The following FLYWCH1 variants were observed in gnomAD, a reference collection of about 807,000 sequenced individuals.
The protein encoded by FLYWCH1 is FLYWCH-type zinc finger 1, also known as FLYWCH-type zinc finger-containing protein 1.
FLYWCH1 carries 75 observed loss-of-function variants against 66.4 expected under a neutral mutation model. That is an observed-to-expected ratio of 1.13 (90% confidence interval 0.94 to 1.37). FLYWCH1 has a LOEUF of 1.37. Ranked by LOEUF, FLYWCH1 falls within the 40% of genes most tolerant of loss-of-function variation. FLYWCH1 has a pLI of 0.00. For missense variants in FLYWCH1, 1,334 were observed against 1,001.8 expected, an observed-to-expected ratio of 1.33 and a Z score of -4.48; for synonymous variants, 595 against 429.9, an observed-to-expected ratio of 1.38 and a Z score of -4.75.
chr16:2,942,204 G>C (rs187798917), intron 9 of FLYWCH1, among the ~76,000 whole-genome samples: 137 of 152,204 alleles, frequency 9.0e-4, no homozygotes, highest in Admixed American at 3.3e-3. Context: ...CATTCTGGCA[G>C]AGTCTCATTC....
At chr16:2,946,135 G>A (rs1490353368) in intron 9 of FLYWCH1, among the ~76,000 whole-genome samples, 2 of 152,060 alleles carry the variant, frequency 1.3e-5, no homozygotes, top group African/African-American at 4.8e-5. Flanking sequence ...AGTAAGCTTA[G>A]GTTAATTTAT....
intron 7 of FLYWCH1, among the ~76,000 whole-genome samples, chr16:2,937,732 C>G (rs756131923): frequency 5.2e-4 from 79 of 152,168 alleles, no homozygotes; most frequent in Non-Finnish European, 9.0e-4. Flanking sequence ...GCCACCCACA[C>G]TGCTTCTAGT....
chr16:2,917,852 C>T (rs60767334), intron 2 of FLYWCH1, among the ~76,000 whole-genome samples: 7,498 of 148,308 alleles, frequency 0.051, 667 homozygotes, highest in African/African-American at 0.18. Context: ...TTTCTTCCCC[C>T]TCGAGATGGA....
chr16:2,939,418 T>TGCCC (rs1453291027), intron 8 of FLYWCH1, among the ~76,000 whole-genome samples: 1 of 152,046 alleles, frequency 6.6e-6, no homozygotes, highest in Non-Finnish European at 1.5e-5. Context: ...ATCGCGCCAC[T>TGCCC]GCCCTCCAGC....
intron 2 of FLYWCH1, chr16:2,915,178 C>A (rs2070127285): frequency 6.7e-6 from 1 of 149,498 alleles, no homozygotes; most frequent in African/African-American, 2.5e-5. Context: ...CATTTTGTTG[C>A]CTAGGCTGGA....
chr16:2,931,305 T>TAAA (rs150704073), intron 4 of FLYWCH1, among the ~76,000 whole-genome samples: 3,567 of 87,376 alleles, frequency 0.041, 92 homozygotes, highest in Middle Eastern at 0.056. Context: ...TCCATCTCAG[T>TAAA]AAAAAAAAAA....
intron 6 of FLYWCH1, chr16:2,936,651 C>T: frequency 2.2e-6 from 1 of 459,182 alleles, no homozygotes; most frequent in Non-Finnish European, 4.4e-6. Context: ...ACAGTGGACG[C>T]TGCTCCCTGC....
At chr16:2,939,622 ACT>A (rs1567348658) in intron 8 of FLYWCH1, 1 of 169,486 alleles carries the variant, frequency 5.9e-6, no homozygotes, top group Non-Finnish European at 1.3e-5. Flanking sequence ...GGGGAGGATC[ACT>A]CTAGCCCGGG....
chr16:2,914,095 C>A (rs1303603938), intron 1 of FLYWCH1, 81 bp from the exon 2 acceptor site: 1 of 152,250 alleles, frequency 6.6e-6, no homozygotes, highest in Non-Finnish European at 1.5e-5. Flanking sequence ...ATGCTGAACA[C>A]CTTGTTCTTG....
intron 4 of FLYWCH1, among the ~76,000 whole-genome samples, chr16:2,932,434 C>G (rs1231814837): frequency 6.6e-6 from 1 of 151,916 alleles, no homozygotes; most frequent in Non-Finnish European, 1.5e-5. Flanking sequence ...CTGTGATAAC[C>G]TGGATTGTTG....
At chr16:2,932,987 C>A in intron 4 of FLYWCH1, 143 bp from the exon 5 acceptor site, 1 of 716,586 alleles carries the variant, frequency 1.4e-6, no homozygotes, top group Non-Finnish European at 2.3e-6. Flanking sequence ...TTTGGGGCCT[C>A]TGACATATCT....
chr16:2,927,255 C>T (rs957516577), intron 2 of FLYWCH1, among the ~76,000 whole-genome samples: 2 of 152,288 alleles, frequency 1.3e-5, no homozygotes, highest in African/African-American at 4.8e-5. Flanking sequence ...TAGCACACTG[C>T]ACGCGATCAT....
At chr16:2,933,096 C>T in intron 4 of FLYWCH1, 34 bp from the exon 5 acceptor site, 2 of 1,585,844 alleles carry the variant, frequency 1.3e-6, no homozygotes, top group Admixed American at 1.7e-5. Context: ...CCTCTCCACC[C>T]CTGGTGATGT....
chr16:2,933,541 C>T lies in FLYWCH1; in HGVS notation c.1208C>T (p.Pro403Leu). The T allele has an allele frequency of 1.2e-6, 2 of 1,608,430 alleles. No individual in the cohort carries two copies. The highest frequency in any genetic ancestry group is 2.2e-5 in the South Asian group (2 of 90,468). ...KVEDQELPTQ[P>L]EAPDEHQDMD... ...GAAGACCAGGAGCTGCCAACCCAGC[C>T]CGAGGCCCCAGACGAGCACCAGGAC... is the stretch of plus-strand genomic sequence containing the variant. Residue 403 changes from proline to leucine, a missense_variant, in exon 5 of 10, where the codon CCC (proline) becomes CTC (leucine). Transcript: ENST00000253928.
Position 2,922,851 on chromosome 16 carries a change from C to A in FLYWCH1, c.-73-6762C>A, listed in dbSNP as rs115770986. On this transcript the variant is annotated intron_variant, in intron 2 of 9. Coordinates refer to ENST00000253928, the MANE Select transcript of FLYWCH1 (RefSeq NM_001308068.2). ...TCCACAGTGAAGACAAGTGTGTTGT[C>A]TTCTGTCTTCTTCATGGCAGACTCA... The A allele has an allele frequency of 6.7e-3, 3,520 of 524,156 alleles. 95 individuals carry two copies. Among genetic ancestry groups the A allele is most frequent in the African/African-American group, 0.061 (3,164 of 52,058 alleles). The allele number at this position is 524,156 out of a possible 1,614,324, so 32.5% of individuals were successfully genotyped here. A position where few individuals can be genotyped will look rare whatever the true frequency, so the allele number is the denominator to read the frequency against.
rs770998430 is a variant in FLYWCH1, at chr16:2,933,887, T to C, written c.1421T>C (p.Met474Thr). 8.8e-6 allele frequency: 14 copies of C among 1,592,832 alleles called. No individual in the cohort carries two copies. Among genetic ancestry groups the C allele is most frequent in the Middle Eastern group, 1.7e-4 (1 of 5,760 alleles). The stretch of plus-strand genomic sequence containing the variant: ...ACCCAGGGCCGACGGGTGACTGTCA[T>C]GCGTGGTCACTGCCACCCGCCCGAC... ...AITQGRRVTV[M>T]RGHCHPPDLG... is the part of the protein sequence containing the mutation. The change falls in exon 6 of 10, where the codon ATG becomes ACG. Residue 474 changes from methionine (M) to threonine (T), a missense_variant. By Grantham distance (81) the Met-to-Thr change is moderately conservative. Transcript: ENST00000253928.
Position 2,949,655 on chromosome 16 carries a change from T to C in FLYWCH1, c.*928T>C, listed in dbSNP as rs533994001. Reference sequence around the variant, plus strand: ...TGTCCGCAGCCGCGAGGTCCTTCACTCCCACCCTGTAATTGTGGGGGGAGT... The same window carrying C: ...TGTCCGCAGCCGCGAGGTCCTTCACCCCCACCCTGTAATTGTGGGGGGAGT... On this transcript the variant is annotated 3_prime_UTR_variant, in exon 10 of 10. Coordinates refer to ENST00000253928, the MANE Select transcript of FLYWCH1 (RefSeq NM_001308068.2). The C allele has an allele frequency of 6.6e-6, 1 of 151,980 alleles. No individual in the cohort carries two copies. The highest frequency in any genetic ancestry group is 1.5e-5 in the Non-Finnish European group (1 of 67,956). 9.4% of individuals were successfully genotyped at this position (151,980 alleles called of 1,614,324 possible).
At chr16:2,928,435 C>T (rs1008477830) in intron 2 of FLYWCH1, among the ~76,000 whole-genome samples, 4 of 152,200 alleles carry the variant, frequency 2.6e-5, no homozygotes, top group Non-Finnish European at 5.9e-5. Context: ...TGTGGCTTTC[C>T]ACAGTGCATT....
At chr16:2,945,442 A>G (rs968924991) in intron 9 of FLYWCH1, among the ~76,000 whole-genome samples, 3 of 142,112 alleles carry the variant, frequency 2.1e-5, no homozygotes, top group Non-Finnish European at 4.5e-5. Context: ...GCCGACATTC[A>G]TGCCACTGCA....
Sources: gnomAD v4.1 joint callset for allele counts (sites outside exome capture counted in the v4.1 genomes callset) on GRCh38, gnomAD v4.1.1 for gene constraint, MANE v1.5 for transcripts, NCBI Gene and HGNC (gene_info 2026-07-23, HGNC 2026-07-21) for gene names.